IGF2BP2: variants seen among roughly 807,000 people sequenced by gnomAD.
IGF2BP2 encodes the protein insulin-like growth factor 2 mRNA-binding protein 2.
Under a neutral mutation model 75.8 loss-of-function variants are expected in IGF2BP2, and 17 were observed. That is an observed-to-expected ratio of 0.22 (90% CI 0.15 to 0.34). IGF2BP2 has a LOEUF of 0.34. Among genes scored for constraint, IGF2BP2 ranks in the 10% least tolerant of loss-of-function variants. The probability of loss-of-function intolerance (pLI) is 1.00; values close to 1 mark genes in which losing one functional copy is unlikely to be tolerated. For missense variants in IGF2BP2, 516 were observed against 772.4 expected, an observed-to-expected ratio of 0.67 and a Z score of 3.93; for synonymous variants, 288 against 295.6, an observed-to-expected ratio of 0.97 and a Z score of 0.26.
At chr3:185,671,329 C>T (rs369001626) in intron 10 of IGF2BP2, among the ~76,000 whole-genome samples, 1 of 152,010 alleles carries the variant, frequency 6.6e-6, no homozygotes, top group Non-Finnish European at 1.5e-5. Flanking sequence ...AGGCAGATCA[C>T]GAGGTCAGGA....
intron 7 of IGF2BP2, among the ~76,000 whole-genome samples, chr3:185,677,068 T>TATATATATATATATATATATAGAGAG: frequency 1.1e-4 from 4 of 35,858 alleles, no homozygotes; most frequent in Non-Finnish European, 1.9e-4. Flanking sequence ...TATATATATA[T>TATATATATATATATATATATAGAGAG]AGAGAGAGAG....
intron 2 of IGF2BP2, among the ~76,000 whole-genome samples, chr3:185,726,940 C>T (rs966838304): frequency 2.6e-5 from 4 of 152,140 alleles, no homozygotes; most frequent in African/African-American, 7.2e-5. Flanking sequence ...TACAGGAGGC[C>T]GAGCACGGTG....
At chr3:185,657,701 T>C (rs1005039115) in intron 11 of IGF2BP2, among the ~76,000 whole-genome samples, 1 of 152,226 alleles carries the variant, frequency 6.6e-6, no homozygotes, top group Non-Finnish European at 1.5e-5. Flanking sequence ...CTTATACAAA[T>C]GTGATCTGTA....
At chr3:185,682,843 G>C (rs1412394913) in intron 7 of IGF2BP2, among the ~76,000 whole-genome samples, 2 of 152,140 alleles carry the variant, frequency 1.3e-5, no homozygotes, top group African/African-American at 4.8e-5. Context: ...ACTGTTGGTG[G>C]GGTTGGAAAA....
At chr3:185,809,925 C>G (rs1025567182) in intron 2 of IGF2BP2, among the ~76,000 whole-genome samples, 7 of 152,140 alleles carry the variant, frequency 4.6e-5, no homozygotes, top group African/African-American at 1.7e-4. Flanking sequence ...CATGGAACTT[C>G]AAATTTTTTA....
At chr3:185,800,976 A>G (rs752242666) in intron 2 of IGF2BP2, among the ~76,000 whole-genome samples, 1 of 152,156 alleles carries the variant, frequency 6.6e-6, no homozygotes, top group Non-Finnish European at 1.5e-5. Context: ...CAAAGGTCTA[A>G]TATCCAGAAT....
chr3:185,717,173 G>A (rs1270764520), intron 2 of IGF2BP2: 1 of 183,974 alleles, frequency 5.4e-6, no homozygotes, highest in Non-Finnish European at 1.1e-5. Context: ...CTGGTTTCCT[G>A]AGGGCTGGGC....
chr3:185,789,960 C>G (rs1377062768), intron 2 of IGF2BP2, among the ~76,000 whole-genome samples: 1 of 152,082 alleles, frequency 6.6e-6, no homozygotes, highest in Admixed American at 6.6e-5. Flanking sequence ...TCTTGAACTC[C>G]TGAACTCAGG....
In IGF2BP2 at chr3:185,645,256, G is replaced by A. The variant is rs1322191688; in HGVS notation, c.*275C>T. The A allele has an allele frequency of 1.9e-6, 1 of 515,328 alleles. No homozygotes were observed. 31.9% of individuals were successfully genotyped at this position (515,328 alleles called of 1,614,324 possible). On this transcript the variant is annotated 3_prime_UTR_variant, in exon 16 of 16. Transcript: ENST00000382199. This position sits in a 1 kb window ranked among gnomAD's most constrained non-coding sequence, Gnocchi z 4.9. ...TCGTGGGAGTTCAGGAGAGATCCGA[G>A]TGGATGGTGAAGTGGATGGCTGAAG...
chr3:185,784,584 C>G (rs771882192), intron 2 of IGF2BP2, among the ~76,000 whole-genome samples: 1 of 152,260 alleles, frequency 6.6e-6, no homozygotes, highest in East Asian at 1.9e-4. Context: ...ATGCTATGAA[C>G]ACTTTCCCCA....
Position 185,792,662 on chromosome 3 carries a change from G to C in IGF2BP2, c.239+30491C>G, listed in dbSNP as rs187719696. Among the ~76,000 whole-genome samples, 10 of 151,526 alleles carry C rather than the reference G, an allele frequency of 6.6e-5. No homozygotes were observed. The East Asian group carries it at 1.4e-3, about 21-fold the overall frequency. On this transcript the variant is annotated intron_variant, in intron 2 of 15. Coordinates refer to ENST00000382199, the MANE Select transcript of IGF2BP2 (RefSeq NM_006548.6). Reference sequence around the variant, plus strand: ...GGCAACTGTAATCCCAGCTACTCGGGAGAGTGAGGCAGAGAATTGTTCGAA... The same window carrying C: ...GGCAACTGTAATCCCAGCTACTCGGCAGAGTGAGGCAGAGAATTGTTCGAA...
chr3:185,717,426 C>CA (rs902444143), intron 2 of IGF2BP2: 137 of 150,100 alleles, frequency 9.1e-4, no homozygotes, highest in Middle Eastern at 6.8e-3. Flanking sequence ...GCTGTCCAAG[C>CA]AAAAAAAAAC....
chr3:185,732,968 C>T (rs1180651373), intron 2 of IGF2BP2, among the ~76,000 whole-genome samples: 3 of 152,314 alleles, frequency 2.0e-5, no homozygotes, highest in South Asian at 4.1e-4. Flanking sequence ...CCCCAACCTG[C>T]CCACCACAAT....
intron 2 of IGF2BP2, among the ~76,000 whole-genome samples, chr3:185,812,447 C>T (rs1056191521): frequency 2.0e-5 from 3 of 152,186 alleles, no homozygotes; most frequent in African/African-American, 7.2e-5. Flanking sequence ...GTCTGGCATG[C>T]AGCTGGCAAA....
At chr3:185,676,592 G>A (rs1027465094) in intron 7 of IGF2BP2, among the ~76,000 whole-genome samples, 3 of 151,622 alleles carry the variant, frequency 2.0e-5, no homozygotes, top group Admixed American at 1.3e-4. Flanking sequence ...GGGACTGCTT[G>A]AGCCAGGGAG....
chr3:185,646,340 A>T (rs1488162895), intron 15 of IGF2BP2, among the ~76,000 whole-genome samples: 1 of 152,212 alleles, frequency 6.6e-6, no homozygotes, highest in Non-Finnish European at 1.5e-5. Flanking sequence ...AGGTCTCAGC[A>T]CAGGCACAGG....
intron 2 of IGF2BP2, among the ~76,000 whole-genome samples, chr3:185,787,732 CA>C (rs5855073): frequency 0.42 from 60,029 of 141,786 alleles, 13,317 homozygotes; most frequent in African/African-American, 0.64. Context: ...GACTCTGTCT[CA>C]AAAAAAAAAA....
intron 1 of IGF2BP2, among the ~76,000 whole-genome samples, chr3:185,823,770 C>A (rs1362872510): frequency 6.6e-6 from 1 of 151,866 alleles, no homozygotes; most frequent in East Asian, 2.0e-4. Flanking sequence ...GGGCTCCCGC[C>A]GGGCCGGGGT....
chr3:185,741,142 G>C (rs1729500574), intron 2 of IGF2BP2, among the ~76,000 whole-genome samples: 4 of 152,130 alleles, frequency 2.6e-5, no homozygotes, highest in Admixed American at 2.0e-4. Context: ...CAAAGTGCTG[G>C]GATTACAGGA....
Sources: gnomAD v4.1 joint callset for allele counts (sites outside exome capture counted in the v4.1 genomes callset) on GRCh38, gnomAD v4.1.1 for gene constraint, Gnocchi (gnomAD v3.1) non-coding constraint, MANE v1.5 for transcripts, NCBI Gene and HGNC (gene_info 2026-07-23, HGNC 2026-07-21) for gene names.